The following CUX2 variants were observed in gnomAD, a reference collection of about 807,000 sequenced individuals.
CUX2 encodes homeobox protein cut-like 2.
CUX2 carries 40 observed loss-of-function variants against 144.8 expected under a neutral mutation model. That is an observed-to-expected ratio of 0.28 (90% CI 0.21 to 0.36). The LOEUF (loss-of-function observed/expected upper bound fraction) is 0.36. Ranked by LOEUF, CUX2 falls within the 10% of genes least tolerant of loss-of-function variation. The pLI, the probability that CUX2 is intolerant of heterozygous loss-of-function variation, is 1.00. For synonymous variants in CUX2, 827 were observed against 875.6 expected, an observed-to-expected ratio of 0.94 and a Z score of 0.98; for missense variants, 1,615 against 1,994.0, an observed-to-expected ratio of 0.81 and a Z score of 3.62.
In CUX2 at chr12:111,174,459, G is replaced by T. The variant is rs1266908710; in HGVS notation, c.64-39741G>T. The stretch of plus-strand genomic sequence containing the variant: ...GACGTGACATTAGCAGTTCCTTGAG[G>T]GTAGGGCTGTGTGTGTCATATGTGA... On this transcript the variant is annotated intron_variant, in intron 1 of 21. Coordinates refer to ENST00000261726, the MANE Select transcript of CUX2 (RefSeq NM_015267.4). 2.0e-5 allele frequency among the ~76,000 whole-genome samples: 3 copies of T among 152,348 alleles called. No individual in the cohort carries two copies. The East Asian group carries it at 5.8e-4, about 29-fold the overall frequency.
rs1268605642 is a variant in CUX2 at position 111,287,762 on chromosome 12, C to A, written c.302-3656C>A. Among the ~76,000 whole-genome samples the A allele has an allele frequency of 2.0e-5, 3 of 152,242 alleles. No homozygotes were observed. Among genetic ancestry groups the A allele is most frequent in the Non-Finnish European group, 2.9e-5 (2 of 68,040 alleles). ...CGGCATGGACGCCCATTGTCCAAGC[C>A]CCTGCCACCTAAACAAACAGGCCAC... On this transcript the variant is annotated intron_variant, in intron 4 of 21. Transcript: ENST00000261726. This position sits in a 1 kb window ranked among gnomAD's most constrained non-coding sequence, Gnocchi z 4.2.
chr12:111,163,523 G>A (rs933529971), intron 1 of CUX2, among the ~76,000 whole-genome samples: 4 of 152,158 alleles, frequency 2.6e-5, no homozygotes, highest in African/African-American at 9.7e-5. Flanking sequence ...CTCCATTCCT[G>A]GAGGAAGCCA....
rs1887070387 is a variant in CUX2, at chr12:111,314,508, GT to G, written c.2002+2308del. Among the ~76,000 whole-genome samples the G allele has an allele frequency of 2.6e-5, 4 of 152,046 alleles. No individual in the cohort carries two copies. The South Asian group carries it at 6.2e-4, about 24-fold the overall frequency. On this transcript the variant is annotated intron_variant, in intron 16 of 21. Transcript: ENST00000261726. ...ATACAAAAATTGGCTGGGCATGGTG[GT>G]AGGTGCCTGTAATCCCAGCTATTTG...
chr12:111,341,491 C>A (rs367702666), intron 20 of CUX2, among the ~76,000 whole-genome samples: 1 of 152,112 alleles, frequency 6.6e-6, no homozygotes, highest in African/African-American at 2.4e-5. Flanking sequence ...TGTAGAGCAC[C>A]CTGTTTCAAG....
intron 3 of CUX2, among the ~76,000 whole-genome samples, chr12:111,261,593 A>C (rs943123662): frequency 6.6e-6 from 1 of 152,038 alleles, no homozygotes; most frequent in African/African-American, 2.4e-5. Flanking sequence ...TTGTCCATCT[A>C]AGCAAGGACA....
intron 1 of CUX2, among the ~76,000 whole-genome samples, chr12:111,153,299 G>GA (rs1293203604): frequency 6.6e-6 from 1 of 152,168 alleles, no homozygotes; most frequent in Non-Finnish European, 1.5e-5. Context: ...AGGTGCTGGG[G>GA]ATATAGTGGC....
rs572170978 is a variant in CUX2 at position 111,190,096 on chromosome 12, G to A, written c.64-24104G>A. 3.9e-5 allele frequency among the ~76,000 whole-genome samples: 6 copies of A among 152,198 alleles called. 1 individual carries two copies. The South Asian group carries it at 6.2e-4, about 16-fold the overall frequency. Reference sequence around the variant, plus strand: ...GACAGATGAGGTTAAGCATCTTTTCGTGTGTTCATTGACTGTTGGGATCTC... The same window carrying A: ...GACAGATGAGGTTAAGCATCTTTTCATGTGTTCATTGACTGTTGGGATCTC... On this transcript the variant is annotated intron_variant, in intron 1 of 21. Transcript: ENST00000261726. The surrounding 1 kb of genome is among the most constrained non-coding windows in gnomAD (Gnocchi z 4.0).
Position 111,308,314 on chromosome 12 carries a change from G to A in CUX2, c.1139G>A (p.Ser380Asn). The change falls in exon 13 of 22, where the codon AGC becomes AAC. Residue 380 changes from serine to asparagine, a missense_variant. Transcript: ENST00000261726. Reference sequence around the variant, plus strand: ...CTGAAAGCCATGAAGCTGGCCTCCAGCACCTGCAGCCTCCCCCAGGTAAGT... The same window carrying A: ...CTGAAAGCCATGAAGCTGGCCTCCAACACCTGCAGCCTCCCCCAGGTAAGT... Reference protein sequence around the residue: ...SILKAMKLASSTCSLPQGMAK... With the variant: ...SILKAMKLASNTCSLPQGMAK... 6.2e-7 allele frequency: 1 copy of A among 1,614,114 alleles called. No individual in the cohort carries two copies.
At chr12:111,253,681 C>A (rs540616416) in intron 3 of CUX2, among the ~76,000 whole-genome samples, 1 of 152,100 alleles carries the variant, frequency 6.6e-6, no homozygotes, top group Non-Finnish European at 1.5e-5. Context: ...ACAGCCCCAT[C>A]CCTAGGAGAT....
chr12:111,275,466 G>A (rs1884827091), intron 4 of CUX2, among the ~76,000 whole-genome samples: 1 of 152,228 alleles, frequency 6.6e-6, no homozygotes, highest in African/African-American at 2.4e-5. Flanking sequence ...GCGTGGGGCT[G>A]GCAGCTCTGG....
chr12:111,300,025 C>A (rs1886212926), intron 9 of CUX2, among the ~76,000 whole-genome samples: 1 of 152,220 alleles, frequency 6.6e-6, no homozygotes, highest in Non-Finnish European at 1.5e-5. Flanking sequence ...TAGCTGGGAA[C>A]AGAGGCGTGT....
chr12:111,134,620 C>CTCTGTGTGTGTGTGTGTGTGTGTG (rs1026548098), intron 1 of CUX2, among the ~76,000 whole-genome samples: 62 of 142,206 alleles, frequency 4.4e-4, no homozygotes, highest in African/African-American at 1.7e-3. Flanking sequence ...CTCTCTCTCT[C>CTCTGTGTGTGTGTGTGTGTGTGTG]TGTGTGTGTG....
chr12:111,272,197 C>T (rs1884672006), intron 4 of CUX2, among the ~76,000 whole-genome samples: 1 of 151,936 alleles, frequency 6.6e-6, no homozygotes, highest in Admixed American at 6.6e-5. Flanking sequence ...TTGTTTTTGT[C>T]CCAAATAACT....
intron 1 of CUX2, among the ~76,000 whole-genome samples, chr12:111,049,738 C>A (rs1380406977): frequency 6.6e-6 from 1 of 152,220 alleles, no homozygotes; most frequent in Non-Finnish European, 1.5e-5. Context: ...GGTCACCAAA[C>A]CCTGGATGGG....
At chr12:111,065,225 GC>G (rs913539366) in intron 1 of CUX2, among the ~76,000 whole-genome samples, 10 of 152,238 alleles carry the variant, frequency 6.6e-5, no homozygotes, top group Admixed American at 2.0e-4. Context: ...ACTTAACTCT[GC>G]CTTTGTGCAA....
At chr12:111,309,192 A>G (rs1048472347) in intron 14 of CUX2, among the ~76,000 whole-genome samples, 2 of 152,170 alleles carry the variant, frequency 1.3e-5, no homozygotes, top group African/African-American at 4.8e-5. Flanking sequence ...GGCATAAGCC[A>G]CCGCACCCAG....
At chr12:111,121,002 G>C (rs886899199) in intron 1 of CUX2, among the ~76,000 whole-genome samples, 1 of 151,000 alleles carries the variant, frequency 6.6e-6, no homozygotes, top group African/African-American at 2.4e-5. Flanking sequence ...CCAGATTCCT[G>C]CCTGTCACCC....
chr12:111,155,798 C>T (rs961551582), intron 1 of CUX2, among the ~76,000 whole-genome samples: 14 of 151,928 alleles, frequency 9.2e-5, no homozygotes, highest in African/African-American at 3.1e-4. Context: ...ACCGAATTAG[C>T]GTTTGGTATT....
Position 111,178,509 on chromosome 12 carries a change from AAC to A in CUX2, c.64-35687_64-35686del. On this transcript the variant is annotated intron_variant, in intron 1 of 21. Transcript: ENST00000261726. This position sits in a 1 kb window ranked among gnomAD's most constrained non-coding sequence, Gnocchi z 5.7. Reference sequence around the variant, plus strand: ...CAGCCACTCCCCCTCCCCCATTTAAAACACAGAACGTGACTGAGAACTAGAAC... The same window carrying A: ...CAGCCACTCCCCCTCCCCCATTTAAAACAGAACGTGACTGAGAACTAGAAC... Among the ~76,000 whole-genome samples the A allele has an allele frequency of 6.6e-6, 1 of 152,192 alleles. No homozygotes were observed. The highest frequency in any genetic ancestry group is 1.5e-5 in the Non-Finnish European group (1 of 68,034).
Sources: allele counts gnomAD v4.1 joint callset (sites outside exome capture counted in the v4.1 genomes callset), GRCh38; gene constraint gnomAD v4.1.1; non-coding constraint Gnocchi (gnomAD v3.1); transcripts MANE v1.5; gene names NCBI Gene and HGNC (gene_info 2026-07-23, HGNC 2026-07-21).